Variants in COP1 observed in about 807,000 individuals in gnomAD.
COP1 encodes the protein E3 ubiquitin-protein ligase COP1.
In COP1, 24 loss-of-function variants were observed where a neutral mutation model predicts 101.3. The ratio of observed to expected loss-of-function variants is 0.24; its 90% CI spans 0.17 to 0.33. The LOEUF is 0.33. Among genes scored for constraint, COP1 ranks in the 10% least tolerant of loss-of-function variants. The probability of loss-of-function intolerance (pLI) is 1.00; values close to 1 mark genes in which losing one functional copy is unlikely to be tolerated. For synonymous variants in COP1, 347 were observed against 341.9 expected, an observed-to-expected ratio of 1.01 and a Z score of -0.17; for missense variants, 663 against 906.2, an observed-to-expected ratio of 0.73 and a Z score of 3.45.
intron 3 of COP1, among the ~76,000 whole-genome samples, chr1:176,172,922 T>A (rs1386226472): frequency 6.6e-6 from 1 of 152,092 alleles, no homozygotes; most frequent in Non-Finnish European, 1.5e-5. Context: ...CACAAATAGA[T>A]GTATCAGGAT....
At chr1:176,174,440 C>T (rs1696619804) in intron 3 of COP1, among the ~76,000 whole-genome samples, 1 of 152,096 alleles carries the variant, frequency 6.6e-6, no homozygotes, top group African/African-American at 2.4e-5. Context: ...TTCCTAAGTT[C>T]CTTCTCCAAG....
chr1:176,179,813 A>G (rs1210466971), intron 2 of COP1, among the ~76,000 whole-genome samples: 6 of 151,936 alleles, frequency 3.9e-5, no homozygotes, highest in African/African-American at 1.2e-4. Flanking sequence ...TTTCTTTAGT[A>G]TCCTAATCTT....
chr1:176,184,466 T>C (rs1403797619), intron 2 of COP1, among the ~76,000 whole-genome samples, 167 bp downstream of exon 2: 1 of 152,186 alleles, frequency 6.6e-6, no homozygotes, highest in East Asian at 1.9e-4. Context: ...GCGCCAGCCA[T>C]TATGTTAACA....
chr1:175,969,449 A>G (rs1652811975), intron 18 of COP1, among the ~76,000 whole-genome samples: 2 of 152,158 alleles, frequency 1.3e-5, no homozygotes, highest in African/African-American at 4.8e-5. Flanking sequence ...TTACCTGAGG[A>G]AAGGAATGCC....
chr1:175,972,335 A>C (rs961327840), intron 18 of COP1, among the ~76,000 whole-genome samples: 4 of 152,206 alleles, frequency 2.6e-5, no homozygotes, highest in African/African-American at 9.6e-5. Context: ...GGGAAAACCA[A>C]GACGTATTTT....
At chr1:176,068,590 T>G (rs990868119) in intron 11 of COP1, among the ~76,000 whole-genome samples, 7 of 152,334 alleles carry the variant, frequency 4.6e-5, no homozygotes, top group Admixed American at 3.9e-4. Context: ...TATGATTAAT[T>G]GAGCCTATTT....
intron 8 of COP1, among the ~76,000 whole-genome samples, chr1:176,130,425 G>A (rs1369203910): frequency 2.0e-5 from 3 of 151,696 alleles, no homozygotes; most frequent in Non-Finnish European, 4.4e-5. Flanking sequence ...GGTTTATACT[G>A]AGAATTGTGA....
rs560004258 is a variant in COP1, at chr1:176,055,367, G to A, written c.1278-9043C>T. Among the ~76,000 whole-genome samples the A allele has an allele frequency of 5.3e-5, 8 of 152,260 alleles. No homozygotes were observed. The South Asian group carries it at 1.4e-3, about 28-fold the overall frequency. ...GGAGAATCGCTTAAACCCGGGAAGA[G>A]GAGGTTGCAGTAAGCCGAGATCGCA... On this transcript the variant is annotated intron_variant, in intron 11 of 19. Coordinates refer to ENST00000367669, the MANE Select transcript of COP1 (RefSeq NM_022457.7).
In COP1 at chr1:176,043,239, T is replaced by G; in HGVS notation, c.1559A>C (p.Asp520Ala). 6.2e-7 allele frequency: 1 copy of G among 1,612,316 alleles called. No individual in the cohort carries two copies. Among genetic ancestry groups the G allele is most frequent in the Non-Finnish European group, 8.5e-7 (1 of 1,178,740 alleles). Residue 520 changes from aspartate (D) to alanine (A), a missense_variant, in exon 14 of 20, where the codon GAC becomes GCC. Physicochemically the swap from Asp to Ala is moderately radical, Grantham distance 126 (BLOSUM62 -2). Around this residue, in one of 4 missense-constraint regions of COP1, gnomAD observed 209 missense variants for 383.3 expected, o/e 0.55. Transcript: ENST00000367669. ...GAGTTTAGGATCCATCAAATTAAAG[T>G]CAACACTCCAACACCTCTTCTCATG... Reference protein sequence around the residue: ...QEHEKRCWSVDFNLMDPKLLA... With the variant: ...QEHEKRCWSVAFNLMDPKLLA...
intron 3 of COP1, 110 bp downstream of exon 3, chr1:176,175,800 T>C: frequency 3.3e-6 from 2 of 602,024 alleles, no homozygotes; most frequent in Non-Finnish European, 5.9e-6. Context: ...TGGTATACAG[T>C]AGAGAGAGAC....
chr1:176,111,705 C>CTT (rs1685320399), intron 9 of COP1, among the ~76,000 whole-genome samples: 1 of 152,042 alleles, frequency 6.6e-6, no homozygotes, highest in East Asian at 1.9e-4. Context: ...AAAAAACTGT[C>CTT]TATTTTGTTC....
At chr1:176,073,580 A>C (rs1432058456) in intron 11 of COP1, among the ~76,000 whole-genome samples, 1 of 152,238 alleles carries the variant, frequency 6.6e-6, no homozygotes, top group Non-Finnish European at 1.5e-5. Flanking sequence ...GTGTGTAAAA[A>C]GAATGCAATT....
chr1:175,998,918 T>C (rs1408107854), intron 15 of COP1, among the ~76,000 whole-genome samples: 3 of 152,104 alleles, frequency 2.0e-5, no homozygotes, highest in Admixed American at 6.6e-5. Flanking sequence ...TCAGATTACA[T>C]GGCACACTCA....
chr1:175,996,016 G>T (rs1007874359), intron 15 of COP1, among the ~76,000 whole-genome samples: 1 of 152,008 alleles, frequency 6.6e-6, no homozygotes, highest in African/African-American at 2.4e-5. Flanking sequence ...CTGGCAAAAC[G>T]AATCCAGCAG....
At chr1:176,197,554 G>A (rs919938160) in intron 1 of COP1, among the ~76,000 whole-genome samples, 1 of 152,074 alleles carries the variant, frequency 6.6e-6, no homozygotes, top group Non-Finnish European at 1.5e-5. Flanking sequence ...TGTTACGGCA[G>A]CCCAAGCAAA....
chr1:176,116,487 ATTC>A (rs933869364), intron 9 of COP1, 134 bp downstream of exon 9: 521 of 630,068 alleles, frequency 8.3e-4, no homozygotes, highest in Non-Finnish European at 1.2e-3. Context: ...CATAAGAGCT[ATTC>A]AAGTGCTAAT....
chr1:176,091,929 A>C, intron 9 of COP1, among the ~76,000 whole-genome samples: 1 of 152,188 alleles, frequency 6.6e-6, no homozygotes, highest in East Asian at 1.9e-4. Flanking sequence ...AAAAATTAGA[A>C]TAACATGAAA....
At chr1:176,150,365 A>C (rs1692227752) in intron 5 of COP1, among the ~76,000 whole-genome samples, 1 of 152,252 alleles carries the variant, frequency 6.6e-6, no homozygotes. Flanking sequence ...ACAACTGAAT[A>C]AATTTCCAAA....
At chr1:175,979,769 T>A (rs1454333935) in intron 18 of COP1, among the ~76,000 whole-genome samples, 1 of 152,110 alleles carries the variant, frequency 6.6e-6, no homozygotes, top group Non-Finnish European at 1.5e-5. Context: ...GGTAATTGAT[T>A]ATTACCATTT....
Sources: gnomAD v4.1 joint callset for allele counts (sites outside exome capture counted in the v4.1 genomes callset) on GRCh38, gnomAD v4.1.1 for gene constraint, gnomAD v4.1.1 regional missense constraint, MANE v1.5 for transcripts, NCBI Gene and HGNC (gene_info 2026-07-23, HGNC 2026-07-21) for gene names.